Variants in LRRC9 observed in about 807,000 individuals in gnomAD.
The protein encoded by LRRC9 is leucine-rich repeat-containing protein 9.
LRRC9 carries 122 observed loss-of-function variants against 63.2 expected under a neutral mutation model. The ratio of observed to expected loss-of-function variants is 1.93; its 90% CI spans 1.67 to 2.24. The LOEUF is 2.24. Ranked by LOEUF, LRRC9 falls within the 30% of genes most tolerant of loss-of-function variation. The pLI, the probability that LRRC9 is intolerant of heterozygous loss-of-function variation, is 0.00. For missense variants in LRRC9, 1,071 were observed against 627.7 expected (o/e 1.71, Z -7.55); for synonymous variants, 366 against 213.1 (o/e 1.72, Z -6.25).
chr14:59,949,142 A>T, intron 8 of LRRC9, among the ~76,000 whole-genome samples: 1 of 130,982 alleles, frequency 7.6e-6, no homozygotes, highest in Admixed American at 7.8e-5. Context: ...CTGGTCCTGG[A>T]CTCTTTTTGG....
rs79783196 is a variant in LRRC9, at chr14:59,960,044, G to C, written c.1079+30G>C. The C allele has an allele frequency of 2.8e-3, 1,730 of 616,356 alleles. 19 individuals carry two copies. In the African/African-American group the frequency reaches 0.028, roughly 10 times the overall value. 38.2% of individuals were successfully genotyped at this position (616,356 alleles called of 1,614,324 possible). ...GTTTAATTAATTATCTAGTTGTTCTGATCTGAAATGGAGAGAATCAGAATG... is the reference window on the plus strand; with the variant it reads ...GTTTAATTAATTATCTAGTTGTTCTCATCTGAAATGGAGAGAATCAGAATG... On this transcript the variant is annotated intron_variant, in intron 9 of 31. Transcript: ENST00000445360.
At position 59,985,010 on chromosome 14, in the gene LRRC9, A is replaced by C. The variant is rs549169320; in HGVS notation, c.2092-95A>C. On this transcript the variant is annotated intron_variant, in intron 16 of 31. Coordinates refer to ENST00000445360, the Ensembl canonical transcript of LRRC9. Reference sequence around the variant, plus strand: ...TTCTTATTTTGTAGTATATTGGCTCAAATAATTGTTCTAAACATTTTACAT... The same window carrying C: ...TTCTTATTTTGTAGTATATTGGCTCCAATAATTGTTCTAAACATTTTACAT... The C allele has an allele frequency of 1.5e-5, 7 of 461,560 alleles. No individual in the cohort carries two copies. The South Asian group carries it at 2.9e-4, about 19-fold the overall frequency. The allele number at this position is 461,560 out of a possible 1,614,324, so 28.6% of individuals were successfully genotyped here.
At chr14:60,007,959 A>T in intron 22 of LRRC9, 133 bp from the exon 23 acceptor site, 1 of 424,810 alleles carries the variant, frequency 2.4e-6, no homozygotes, top group East Asian at 3.7e-5. Flanking sequence ...AAAAAAAAAA[A>T]AAAGTATACT....
intron 29 of LRRC9, among the ~76,000 whole-genome samples, chr14:60,036,468 G>A (rs1196945319): frequency 1.3e-5 from 2 of 152,174 alleles, no homozygotes; most frequent in African/African-American, 4.8e-5. Flanking sequence ...CAAAGGGCAT[G>A]ATGATTCCTT....
At position 59,990,311 on chromosome 14, in the gene LRRC9, T is replaced by G. The variant is rs1192436651; in HGVS notation, c.2211+5087T>G. On this transcript the variant is annotated intron_variant, in intron 17 of 31. Coordinates refer to ENST00000445360, the Ensembl canonical transcript of LRRC9. This position sits in a 1 kb window ranked among gnomAD's most constrained non-coding sequence, Gnocchi z 4.2. The stretch of plus-strand genomic sequence containing the variant: ...CCAACAGTTTCTTCTATGAGAAGGA[T>G]TCTGTCTTGAAGAGAGTCCTAGTGG... Among the ~76,000 whole-genome samples the G allele has an allele frequency of 6.6e-6, 1 of 152,212 alleles. No homozygotes were observed. The highest frequency in any genetic ancestry group is 1.5e-5 in the Non-Finnish European group (1 of 68,046).
chr14:59,977,036 A>C (rs1886363298), intron 13 of LRRC9, among the ~76,000 whole-genome samples, 189 bp from the exon 14 acceptor site: 2 of 152,182 alleles, frequency 1.3e-5, no homozygotes, highest in Admixed American at 1.3e-4. Flanking sequence ...CATGTATTCA[A>C]CAAATATTTG....
rs1300672245 is a variant in LRRC9 at position 59,930,716 on chromosome 14, G to A, written c.268-202G>A. Among the ~76,000 whole-genome samples, 1 of 151,482 alleles carries A rather than the reference G, an allele frequency of 6.6e-6. No individual in the cohort carries two copies. The highest frequency in any genetic ancestry group is 1.9e-4 in the East Asian group (1 of 5,190). ...TATAGGGTTGATCAAAATTTAAAGA[G>A]AACATGCAAAATTGAAAATAGTTGT... On this transcript the variant is annotated intron_variant, in intron 3 of 31. Transcript: ENST00000445360. This position sits in a 1 kb window ranked among gnomAD's most constrained non-coding sequence, Gnocchi z 4.9.
At chr14:60,032,196 T>C (rs1449763913) in intron 29 of LRRC9, 133 bp downstream of exon 29, 4 of 561,710 alleles carry the variant, frequency 7.1e-6, no homozygotes, top group East Asian at 2.9e-5. Flanking sequence ...CCCAAATTTA[T>C]TGACTTCTTC....
At position 60,058,942 on chromosome 14, in the gene LRRC9, A is replaced by G. The variant is rs555047374; in HGVS notation, c.4276+920A>G. 2 of 152,280 alleles carry G rather than the reference A, an allele frequency of 1.3e-5. No homozygotes were observed. The highest frequency in any genetic ancestry group is 4.8e-5 in the African/African-American group (2 of 41,550). 9.4% of individuals were successfully genotyped at this position (152,280 alleles called of 1,614,324 possible). A position where few individuals can be genotyped will look rare whatever the true frequency, so the allele number is the denominator to read the frequency against. On this transcript the variant is annotated intron_variant, in intron 31 of 31. Coordinates refer to ENST00000445360, the Ensembl canonical transcript of LRRC9. This position sits in a 1 kb window ranked among gnomAD's most constrained non-coding sequence, Gnocchi z 4.4. ...CTTCCAGGTTTTAATAATAATGAAG[A>G]TTGTCATGCTTTTGTCTACAACTGT...
chr14:59,926,640 C>A (rs1594800192), intron 1 of LRRC9, among the ~76,000 whole-genome samples: 1 of 152,064 alleles, frequency 6.6e-6, no homozygotes, highest in Admixed American at 6.6e-5. Context: ...GAAAGGTAAC[C>A]AATATCCTAA....
chr14:59,982,761 C>T (rs1417509384), intron 16 of LRRC9, among the ~76,000 whole-genome samples: 1 of 152,152 alleles, frequency 6.6e-6, no homozygotes, highest in African/African-American at 2.4e-5. Flanking sequence ...ACTCTTAATT[C>T]TGAAGTATAT....
At chr14:59,998,922 C>T (rs149374344) in intron 18 of LRRC9, among the ~76,000 whole-genome samples, 179 bp from the exon 19 acceptor site, 9 of 152,148 alleles carry the variant, frequency 5.9e-5, no homozygotes, top group African/African-American at 2.2e-4. Context: ...TTCAAACAAA[C>T]AGATTAATTA....
At chr14:60,025,109 G>T (rs1264731046) in intron 27 of LRRC9, among the ~76,000 whole-genome samples, 4 of 147,426 alleles carry the variant, frequency 2.7e-5, no homozygotes, top group Admixed American at 2.0e-4. Context: ...ATTATTTTTT[G>T]AGAAAGGGTC....
chr14:59,967,750 A>C (rs1885010306), intron 12 of LRRC9, among the ~76,000 whole-genome samples: 1 of 152,162 alleles, frequency 6.6e-6, no homozygotes, highest in Non-Finnish European at 1.5e-5. Flanking sequence ...ACTGGTGTAG[A>C]GCAGCGCTTC....
At chr14:59,920,366 G>C (rs1888669471) in intron 1 of LRRC9, 93 bp downstream of exon 1, 1 of 152,196 alleles carries the variant, frequency 6.6e-6, no homozygotes, top group African/African-American at 2.4e-5. Flanking sequence ...AGGGGAAGAC[G>C]CCAGTGAAGC....
rs988461942 is a variant in LRRC9 at position 60,018,277 on chromosome 14, A to G, written c.3318-94A>G. 3.0e-5 allele frequency: 20 copies of G among 664,500 alleles called. No homozygotes were observed. In the Admixed American group the frequency reaches 3.3e-4, roughly 11 times the overall value. 41.2% of individuals were successfully genotyped at this position (664,500 alleles called of 1,614,324 possible). ...ATACTTGTCAGGTGAGACTTTTTAA[A>G]TGTCTTTGGTGGCTGTATGTGAAGG... On this transcript the variant is annotated intron_variant, in intron 24 of 31. Transcript: ENST00000445360.
chr14:60,019,435 A>C (rs993788798), intron 26 of LRRC9, among the ~76,000 whole-genome samples, 175 bp downstream of exon 26: 1 of 151,972 alleles, frequency 6.6e-6, no homozygotes. Flanking sequence ...AAAGGTACTC[A>C]AAATATTTCT....
exon 8 of LRRC9, chr14:59,944,626 G>T: frequency 6.2e-6 from 4 of 646,176 alleles, no homozygotes; most frequent in South Asian, 3.6e-5. Flanking sequence ...TATAATATGC[G>T]TATAAAAACT....
chr14:59,939,475 AGAATAGAGAGT>A (rs1237898928), intron 7 of LRRC9, among the ~76,000 whole-genome samples: 3 of 152,016 alleles, frequency 2.0e-5, no homozygotes, highest in Non-Finnish European at 4.4e-5. Flanking sequence ...TAATGGATTA[AGAATAGAGAGT>A]TAGAGGGGGA....
Sources: gnomAD v4.1 joint callset for allele counts (sites outside exome capture counted in the v4.1 genomes callset) on GRCh38, gnomAD v4.1.1 for gene constraint, Gnocchi (gnomAD v3.1) non-coding constraint, MANE v1.5 for transcripts, NCBI Gene and HGNC (gene_info 2026-07-23, HGNC 2026-07-21) for gene names.